The following BIRC6 variants were observed in gnomAD, a reference collection of about 807,000 sequenced individuals.
The protein encoded by BIRC6 is dual E2 ubiquitin-conjugating enzyme/E3 ubiquitin-protein ligase BIRC6.
BIRC6 carries 98 observed loss-of-function variants against 503.3 expected under a neutral mutation model. The observed-to-expected ratio is 0.19, with a 90% CI of 0.17 to 0.23. The LOEUF (loss-of-function observed/expected upper bound fraction) is 0.23. Ranked by LOEUF, BIRC6 falls within the 10% of genes least tolerant of loss-of-function variation. BIRC6 has a pLI of 1.00. For synonymous variants in BIRC6, 2,240 were observed against 2,078.7 expected, an observed-to-expected ratio of 1.08 and a Z score of -2.11; for missense variants, 5,360 against 5,806.0, an observed-to-expected ratio of 0.92 and a Z score of 2.50.
intron 61 of BIRC6, among the ~76,000 whole-genome samples, chr2:32,537,960 G>A (rs1459127972): frequency 9.4e-5 from 14 of 149,384 alleles, no homozygotes; most frequent in Admixed American, 2.7e-4. Context: ...GCGAGACTCC[G>A]TCTCAAAAAA....
chr2:32,448,675 G>C, intron 21 of BIRC6, 120 bp from the exon 22 acceptor site: 7 of 748,948 alleles, frequency 9.3e-6, no homozygotes, highest in South Asian at 4.0e-5. Flanking sequence ...GGGGAGAGGG[G>C]AGAGGGGAGA....
intron 9 of BIRC6, among the ~76,000 whole-genome samples, chr2:32,414,315 T>A (rs1266229705): frequency 1.3e-5 from 2 of 152,310 alleles, no homozygotes; most frequent in Middle Eastern, 3.4e-3. Context: ...GTTTTCCATC[T>A]GCAGTTAGTT....
intron 24 of BIRC6, 25 bp from the exon 25 acceptor site, chr2:32,464,484 T>C: frequency 6.5e-7 from 1 of 1,541,566 alleles, no homozygotes; most frequent in South Asian, 1.2e-5. Context: ...TTAGTCTATA[T>C]ATGTTGCTTT....
intron 3 of BIRC6, 40 bp downstream of exon 3, chr2:32,380,330 C>A: frequency 1.3e-6 from 2 of 1,552,820 alleles, no homozygotes; most frequent in Admixed American, 2.2e-5. Flanking sequence ...GGTTATATTA[C>A]AATGGACACC....
In BIRC6 at chr2:32,470,262, C is replaced by G; in HGVS notation, c.6442C>G (p.Pro2148Ala). ...LLNLLDNLLS[P>A]LQPQLPMHRR... Reference sequence around the variant, plus strand: ...TAATCTCTTGGATAATTTATTGTCACCTCTTCAGCCACAGTTACCCATGCA... The same window carrying G: ...TAATCTCTTGGATAATTTATTGTCAGCTCTTCAGCCACAGTTACCCATGCA... Residue 2148 changes from proline to alanine, a missense_variant, in exon 31 of 74, where the codon CCT becomes GCT. Physicochemically the swap from Pro to Ala is conservative, Grantham distance 27. This residue lies in a region of BIRC6 where 2,299 missense variants were observed against 2,267.2 expected (regional missense o/e 1.01). Coordinates refer to ENST00000421745, the MANE Select transcript of BIRC6 (RefSeq NM_016252.4). 6.4e-7 allele frequency: 1 copy of G among 1,574,152 alleles called. No individual in the cohort carries two copies. Among genetic ancestry groups the G allele is most frequent in the Non-Finnish European group, 8.6e-7 (1 of 1,158,266 alleles).
chr2:32,551,464 G>T (rs890117180), intron 65 of BIRC6, among the ~76,000 whole-genome samples: 2 of 152,140 alleles, frequency 1.3e-5, no homozygotes, highest in South Asian at 4.1e-4. Flanking sequence ...TGTATTTTTG[G>T]TAGAGATGGG....
intron 66 of BIRC6, among the ~76,000 whole-genome samples, chr2:32,581,082 G>A (rs1271754520): frequency 6.6e-6 from 1 of 152,198 alleles, no homozygotes; most frequent in Admixed American, 6.5e-5. Flanking sequence ...GACTCAGGCA[G>A]AAAGCTATGA....
intron 8 of BIRC6, among the ~76,000 whole-genome samples, chr2:32,406,131 C>G (rs552739554): frequency 6.6e-6 from 1 of 152,118 alleles, no homozygotes; most frequent in Non-Finnish European, 1.5e-5. Context: ...GTGGCTCATG[C>G]GTATAATCCC....
chr2:32,554,676 C>CA (rs1462447127), intron 65 of BIRC6, among the ~76,000 whole-genome samples: 1 of 151,982 alleles, frequency 6.6e-6, no homozygotes, highest in African/African-American at 2.4e-5. Flanking sequence ...TATAATGTGT[C>CA]AAAACCCATT....
rs547508404 is a variant in BIRC6, at chr2:32,491,099, G to T, written c.8207-326G>T. ...AAGTTTACCTGAAAAGTAGATCTCTGACTGTTTCTGGAAGGGGGAGTTAGT... is the reference window on the plus strand; with the variant it reads ...AAGTTTACCTGAAAAGTAGATCTCTTACTGTTTCTGGAAGGGGGAGTTAGT... On this transcript the variant is annotated intron_variant, in intron 43 of 73. Transcript: ENST00000421745. 7.2e-5 allele frequency among the ~76,000 whole-genome samples: 11 copies of T among 152,278 alleles called. No homozygotes were observed. The East Asian group carries it at 2.1e-3, about 29-fold the overall frequency.
intron 33 of BIRC6, 135 bp from the exon 34 acceptor site, chr2:32,476,078 C>A: frequency 1.6e-6 from 1 of 619,376 alleles, no homozygotes; most frequent in Non-Finnish European, 2.5e-6. Flanking sequence ...AAATTATCAT[C>A]ACAGTTAAAA....
At chr2:32,530,059 T>C (rs2056602554) in intron 60 of BIRC6, among the ~76,000 whole-genome samples, 1 of 152,208 alleles carries the variant, frequency 6.6e-6, no homozygotes, top group African/African-American at 2.4e-5. Flanking sequence ...ATTTCTGATA[T>C]TTCTGTGAGA....
intron 1 of BIRC6, among the ~76,000 whole-genome samples, chr2:32,361,840 TCTTC>T (rs1479018523): frequency 1.3e-5 from 2 of 152,230 alleles, no homozygotes; most frequent in Admixed American, 1.3e-4. Context: ...CATTTACAGT[TCTTC>T]CTTGTCTTTT....
chr2:32,490,108 T>G lies in BIRC6; in HGVS notation c.8163T>G (p.Leu2721=), dbSNP rs374316503. ...ATACTTTGCTCCGGACATGGTGCCTTGTGCTTCATAGCCTAACACTCATGA... is the reference window on the plus strand; with the variant it reads ...ATACTTTGCTCCGGACATGGTGCCTGGTGCTTCATAGCCTAACACTCATGA... ...YPNTLLRTWC[L]VLHSLTLMTN... The change falls in exon 43 of 74, where the codon CTT becomes CTG. Residue 2721 remains leucine, a synonymous_variant. Coordinates refer to ENST00000421745, the MANE Select transcript of BIRC6 (RefSeq NM_016252.4). 1.6e-5 allele frequency: 26 copies of G among 1,613,402 alleles called. 1 individual carries two copies. The highest frequency in any genetic ancestry group is 2.1e-5 in the Non-Finnish European group (25 of 1,179,462).
At chr2:32,513,793 C>G (rs1029177116) in intron 54 of BIRC6, among the ~76,000 whole-genome samples, 1 of 152,100 alleles carries the variant, frequency 6.6e-6, no homozygotes, top group African/African-American at 2.4e-5. Flanking sequence ...TCTGTAATCC[C>G]AGTTACTTGG....
At chr2:32,540,418 C>T (rs1041002193) in intron 61 of BIRC6, among the ~76,000 whole-genome samples, 2 of 151,930 alleles carry the variant, frequency 1.3e-5, no homozygotes, top group Admixed American at 6.6e-5. Context: ...GTGTTTTAGA[C>T]ATTATTCAAA....
intron 1 of BIRC6, among the ~76,000 whole-genome samples, chr2:32,370,496 T>C (rs994797427): frequency 6.6e-6 from 1 of 152,206 alleles, no homozygotes; most frequent in Non-Finnish European, 1.5e-5. Context: ...TATCATGTGT[T>C]ACCCCTTTCT....
chr2:32,483,016 G>A (rs951831926), intron 39 of BIRC6, among the ~76,000 whole-genome samples: 3 of 151,364 alleles, frequency 2.0e-5, no homozygotes, highest in African/African-American at 4.9e-5. Flanking sequence ...CTCCCAGGTC[G>A]AGGGGCTTCT....
At chr2:32,447,473 G>C (rs1286538125) in intron 21 of BIRC6, among the ~76,000 whole-genome samples, 1 of 137,694 alleles carries the variant, frequency 7.3e-6, no homozygotes, top group Non-Finnish European at 1.6e-5. Context: ...CTGGCCGGGC[G>C]GGGGGCTGAT....
Sources: gnomAD v4.1 joint callset for allele counts (sites outside exome capture counted in the v4.1 genomes callset) on GRCh38, gnomAD v4.1.1 for gene constraint, gnomAD v4.1.1 regional missense constraint, MANE v1.5 for transcripts, NCBI Gene and HGNC (gene_info 2026-07-23, HGNC 2026-07-21) for gene names.